The following CSNK1G3 variants were observed in gnomAD, a reference collection of about 807,000 sequenced individuals.
The protein encoded by CSNK1G3 is casein kinase 1 gamma 3.
A neutral mutation model predicts 64.3 loss-of-function variants in CSNK1G3; 23 were observed. The observed-to-expected ratio is 0.36, with a 90% CI of 0.26 to 0.51. The LOEUF is 0.51. Among genes scored for constraint, CSNK1G3 ranks in the 20% least tolerant of loss-of-function variants. CSNK1G3 has a pLI of 0.96. For synonymous variants in CSNK1G3, 158 were observed against 162.2 expected (o/e 0.97, Z 0.20); for missense variants, 357 against 510.5 (o/e 0.70, Z 2.90).
chr5:123,605,202 T>C (rs1001108595), intron 11 of CSNK1G3, 137 bp from the exon 13 acceptor site: 15 of 729,842 alleles, frequency 2.1e-5, no homozygotes, highest in Non-Finnish European at 3.0e-5. Flanking sequence ...ATTAGTTTTT[T>C]CAAAACATAA....
At chr5:123,521,100 T>C (rs964747412) in intron 1 of CSNK1G3, among the ~76,000 whole-genome samples, 2 of 152,152 alleles carry the variant, frequency 1.3e-5, no homozygotes, top group African/African-American at 4.8e-5. Context: ...TAGTCTAGTA[T>C]TGTTTTGGAG....
At chr5:123,593,329 A>G (rs1792796322) in intron 10 of CSNK1G3, among the ~76,000 whole-genome samples, 1 of 151,942 alleles carries the variant, frequency 6.6e-6, no homozygotes, top group Admixed American at 6.6e-5. Flanking sequence ...TGTATATTTA[A>G]AAAAAACTTC....
intron 1 of CSNK1G3, among the ~76,000 whole-genome samples, chr5:123,543,540 GAT>G (rs1467462788): frequency 1.3e-5 from 2 of 152,044 alleles, no homozygotes; most frequent in Non-Finnish European, 2.9e-5. Flanking sequence ...CTTCATTTTT[GAT>G]ACTGTGTACT....
intron 10 of CSNK1G3, among the ~76,000 whole-genome samples, chr5:123,600,306 T>C (rs1428183173): frequency 6.6e-6 from 1 of 152,176 alleles, no homozygotes; most frequent in Non-Finnish European, 1.5e-5. Context: ...TACTTAGTAA[T>C]CTTGCTTACA....
rs118053367 is a variant in CSNK1G3 at position 123,514,906 on chromosome 5, A to C, written c.-248+2336A>C. ...TAAAGATGAGTCAGTTTGAGGCATGAAGGTCCAAATGTACAGATCGTAGGC... is the reference window on the plus strand; with the variant it reads ...TAAAGATGAGTCAGTTTGAGGCATGCAGGTCCAAATGTACAGATCGTAGGC... On this transcript the variant is annotated intron_variant, in intron 1 of 12. Coordinates refer to ENST00000345990, the Ensembl canonical transcript of CSNK1G3. Among the ~76,000 whole-genome samples, 792 of 152,280 alleles carry C rather than the reference A, an allele frequency of 5.2e-3. 17 individuals are homozygous for C. Among genetic ancestry groups the C allele is most frequent in the East Asian group, 0.028 (145 of 5,186 alleles).
intron 4 of CSNK1G3, among the ~76,000 whole-genome samples, chr5:123,559,403 T>A (rs1255998084): frequency 6.6e-6 from 1 of 152,226 alleles, no homozygotes; most frequent in East Asian, 1.9e-4. Flanking sequence ...TTATTTTAAC[T>A]TTTTTCTGTT....
At chr5:123,524,018 C>T (rs1347577993) in intron 1 of CSNK1G3, among the ~76,000 whole-genome samples, 1 of 152,170 alleles carries the variant, frequency 6.6e-6, no homozygotes, top group Non-Finnish European at 1.5e-5. Flanking sequence ...GTTTGACTGC[C>T]AGAATGCTGG....
intron 5 of CSNK1G3, among the ~76,000 whole-genome samples, chr5:123,573,975 G>A (rs1383211199): frequency 1.3e-5 from 2 of 151,052 alleles, no homozygotes; most frequent in Non-Finnish European, 1.5e-5. Context: ...TCAGCCTCCC[G>A]AGTAGCTGGG....
chr5:123,515,164 A>G (rs1776922853), intron 1 of CSNK1G3, among the ~76,000 whole-genome samples: 1 of 152,182 alleles, frequency 6.6e-6, no homozygotes, highest in Non-Finnish European at 1.5e-5. Context: ...TGACTCAGGA[A>G]GAAATGAGAA....
At chr5:123,564,976 G>T (rs1204356189) in intron 4 of CSNK1G3, among the ~76,000 whole-genome samples, 1 of 151,990 alleles carries the variant, frequency 6.6e-6, no homozygotes, top group Non-Finnish European at 1.5e-5. Flanking sequence ...GTTGTTGTGG[G>T]TTGTAGCTAT....
chr5:123,546,065 G>A, intron 2 of CSNK1G3: 1 of 435,678 alleles, frequency 2.3e-6, no homozygotes. Context: ...TGACTATCCA[G>A]ATTATGAGAA....
chr5:123,557,321 T>C (rs1013691384), intron 3 of CSNK1G3, among the ~76,000 whole-genome samples, 174 bp from the exon 4 acceptor site: 3 of 152,196 alleles, frequency 2.0e-5, no homozygotes, highest in African/African-American at 7.2e-5. Context: ...TGTAGTATCA[T>C]TTTATTTTAC....
At chr5:123,577,552 CT>C (rs142234877) in intron 6 of CSNK1G3, among the ~76,000 whole-genome samples, 3 of 150,862 alleles carry the variant, frequency 2.0e-5, no homozygotes, top group South Asian at 2.1e-4. Context: ...ATATTTGTAT[CT>C]TTTTTTTTAA....
chr5:123,601,498 T>G (rs890996714), intron 10 of CSNK1G3, among the ~76,000 whole-genome samples: 2 of 152,180 alleles, frequency 1.3e-5, no homozygotes, highest in African/African-American at 4.8e-5. Context: ...AGATGTTGCT[T>G]CCTTCTGGTC....
At chr5:123,588,133 C>A in exon 7 of CSNK1G3, 1 of 1,604,100 alleles carries the variant, frequency 6.2e-7, no homozygotes, top group Non-Finnish European at 8.5e-7. Flanking sequence ...GAGAGGCAGT[C>A]TTCCTTGGCA....
intron 6 of CSNK1G3, among the ~76,000 whole-genome samples, chr5:123,577,563 A>G (rs1279676998): frequency 6.6e-6 from 1 of 151,678 alleles, no homozygotes; most frequent in Non-Finnish European, 1.5e-5. Flanking sequence ...TTTTTTTTTA[A>G]CAGTGAGAAA....
At chr5:123,588,587 A>T (rs1044069972) in intron 8 of CSNK1G3, 76 bp downstream of exon 8, 2 of 952,134 alleles carry the variant, frequency 2.1e-6, no homozygotes, top group Non-Finnish European at 3.2e-6. Flanking sequence ...AAGTTTATAC[A>T]TATTTTTTTC....
At chr5:123,556,654 G>A (rs1363251533) in intron 3 of CSNK1G3, among the ~76,000 whole-genome samples, 1 of 151,602 alleles carries the variant, frequency 6.6e-6, no homozygotes, top group Non-Finnish European at 1.5e-5. Context: ...ATACTTTTCT[G>A]TTGGTTCTTT....
At position 123,563,048 on chromosome 5, in the gene CSNK1G3, C is replaced by G. The variant is rs78734266; in HGVS notation, c.289+5484C>G. Among the ~76,000 whole-genome samples the G allele has an allele frequency of 2.2e-4, 33 of 152,046 alleles. 1 individual carries two copies. The East Asian group carries it at 6.4e-3, about 29-fold the overall frequency. ...TTTTTTTGACATGAGTTTAAATAGG[C>G]TACATTAGGAGAAACTGCAATTAAT... On this transcript the variant is annotated intron_variant, in intron 4 of 12. Transcript: ENST00000345990.
Sources: gnomAD v4.1 joint callset for allele counts (sites outside exome capture counted in the v4.1 genomes callset) on GRCh38, gnomAD v4.1.1 for gene constraint, MANE v1.5 for transcripts, NCBI Gene and HGNC (gene_info 2026-07-23, HGNC 2026-07-21) for gene names.